Variants in PIK3C2G observed in about 807,000 individuals in gnomAD.
PIK3C2G encodes the protein phosphatidylinositol 3-kinase C2 domain-containing subunit gamma.
In PIK3C2G, 168 loss-of-function variants were observed where a neutral mutation model predicts 181.1. That is an observed-to-expected ratio of 0.93 (90% confidence interval 0.82 to 1.05). The LOEUF (loss-of-function observed/expected upper bound fraction) is 1.05, where lower values mean the gene tolerates loss of function less well. Ranked by LOEUF, PIK3C2G falls within the 50% of genes least tolerant of loss-of-function variation. PIK3C2G has a pLI of 0.00. For synonymous variants in PIK3C2G, 573 were observed against 592.2 expected, an observed-to-expected ratio of 0.97 and a Z score of 0.47; for missense variants, 1,869 against 1,732.8, an observed-to-expected ratio of 1.08 and a Z score of -1.40.
At chr12:18,291,132 G>A (rs952048113) in intron 4 of PIK3C2G, 120 bp downstream of exon 4, 1 of 582,744 alleles carries the variant, frequency 1.7e-6, no homozygotes, top group African/African-American at 1.9e-5. Flanking sequence ...TCTCTGAAGT[G>A]AAATAAGAAG....
the PIK3C2G span, among the ~76,000 whole-genome samples, chr12:18,715,441 G>C: frequency 6.6e-6 from 1 of 150,730 alleles, no homozygotes; most frequent in Non-Finnish European, 1.5e-5. Context: ...TCGCTCTGTC[G>C]CCCAGACTGG....
At chr12:18,711,441 G>A in the PIK3C2G span, among the ~76,000 whole-genome samples, 2 of 148,722 alleles carry the variant, frequency 1.3e-5, no homozygotes, top group African/African-American at 4.9e-5. Flanking sequence ...GCTAAATGAC[G>A]AGTTAGTGGG....
At chr12:18,543,034 G>A (rs1238694294) in intron 25 of PIK3C2G, among the ~76,000 whole-genome samples, 1 of 151,878 alleles carries the variant, frequency 6.6e-6, no homozygotes, top group Non-Finnish European at 1.5e-5. Context: ...CCGTTTCTCT[G>A]CAACCTTGCC....
At chr12:18,324,878 T>C (rs551172484) in intron 7 of PIK3C2G, among the ~76,000 whole-genome samples, 157 bp from the exon 8 acceptor site, 3 of 152,290 alleles carry the variant, frequency 2.0e-5, no homozygotes, top group African/African-American at 7.2e-5. Flanking sequence ...AAGGCACCCT[T>C]CTGAGATGTT....
chr12:18,566,337 G>T (rs1237066152), intron 28 of PIK3C2G, among the ~76,000 whole-genome samples: 1 of 152,160 alleles, frequency 6.6e-6, no homozygotes, highest in Admixed American at 6.5e-5. Flanking sequence ...AAGGGTATAC[G>T]TAGACAGCAA....
intron 31 of PIK3C2G, among the ~76,000 whole-genome samples, chr12:18,628,643 A>T (rs763980992): frequency 2.6e-5 from 4 of 152,252 alleles, no homozygotes; most frequent in Admixed American, 6.5e-5. Context: ...AACTAAGCTA[A>T]GAATCCCCTG....
At chr12:18,704,014 T>C in the PIK3C2G span, among the ~76,000 whole-genome samples, 3 of 152,092 alleles carry the variant, frequency 2.0e-5, no homozygotes, top group African/African-American at 7.2e-5. Context: ...TCTGATAAAA[T>C]TTGGGATAGG....
intron 31 of PIK3C2G, among the ~76,000 whole-genome samples, chr12:18,620,587 T>C (rs1209054148): frequency 1.3e-5 from 2 of 151,584 alleles, no homozygotes; most frequent in Non-Finnish European, 2.9e-5. Flanking sequence ...TACTGTAGGG[T>C]GCAGCTAGTA....
chr12:18,548,616 C>G (rs866964818), intron 26 of PIK3C2G, among the ~76,000 whole-genome samples: 1 of 152,020 alleles, frequency 6.6e-6, no homozygotes, highest in Non-Finnish European at 1.5e-5. Flanking sequence ...AAGCTAGAAC[C>G]TCATGGCAGT....
upstream of PIK3C2G, among the ~76,000 whole-genome samples, chr12:18,258,513 C>A (rs1357923692): frequency 6.6e-6 from 1 of 152,060 alleles, no homozygotes; most frequent in African/African-American, 2.4e-5. Context: ...AGATTTCACA[C>A]ATGAGTAAGA....
intron 8 of PIK3C2G, among the ~76,000 whole-genome samples, chr12:18,327,291 C>T (rs74070223): frequency 0.061 from 9,227 of 152,006 alleles, 953 homozygotes; most frequent in African/African-American, 0.21. Flanking sequence ...CACAATTTTG[C>T]GCTTTCTATT....
chr12:18,655,243 C>T, the PIK3C2G span, among the ~76,000 whole-genome samples: 1 of 152,126 alleles, frequency 6.6e-6, no homozygotes, highest in African/African-American at 2.4e-5. Flanking sequence ...AGGTAAAGAA[C>T]CTGCTTCCAG....
intron 23 of PIK3C2G, 89 bp downstream of exon 23, chr12:18,503,506 A>G (rs572603602): frequency 2.2e-6 from 2 of 920,160 alleles, no homozygotes; most frequent in Admixed American, 3.4e-5. Context: ...AGAAAAGTAA[A>G]TTAAGTGCAC....
intron 8 of PIK3C2G, 88 bp downstream of exon 8, chr12:18,325,186 T>C: frequency 2.9e-6 from 2 of 687,640 alleles, no homozygotes; most frequent in Non-Finnish European, 5.1e-6. Flanking sequence ...ATTTTGAAGA[T>C]GACAAAAATG....
At chr12:18,290,530 G>C (rs935531629) in intron 3 of PIK3C2G, among the ~76,000 whole-genome samples, 2 of 152,152 alleles carry the variant, frequency 1.3e-5, no homozygotes, top group African/African-American at 4.8e-5. Flanking sequence ...CAAAAGCAAT[G>C]TAAATGAAGC....
intron 1 of PIK3C2G, among the ~76,000 whole-genome samples, chr12:18,267,779 CCAA>C (rs1452442084): frequency 6.6e-6 from 1 of 152,120 alleles, no homozygotes. Context: ...GTAATTCTAG[CCAA>C]TATATAGTTC....
intron 29 of PIK3C2G, among the ~76,000 whole-genome samples, chr12:18,585,584 C>T (rs1946730175): frequency 1.3e-5 from 2 of 152,166 alleles, no homozygotes; most frequent in Admixed American, 1.3e-4. Context: ...ATTAGACTCC[C>T]ACACAATAAT....
chr12:18,279,667 A>G (rs11044003), intron 1 of PIK3C2G, among the ~76,000 whole-genome samples: 9,074 of 152,126 alleles, frequency 0.06, 403 homozygotes, highest in Non-Finnish European at 0.093. Flanking sequence ...CAGTTGAAGG[A>G]GTACAATTTG....
At chr12:18,303,159 C>CT (rs1565575774) in intron 5 of PIK3C2G, among the ~76,000 whole-genome samples, 173 of 93,974 alleles carry the variant, frequency 1.8e-3, no homozygotes, top group East Asian at 0.013. Flanking sequence ...TTTCTTCTTT[C>CT]TCTTTCTTTC....
Sources: allele counts gnomAD v4.1 joint callset (sites outside exome capture counted in the v4.1 genomes callset), GRCh38; gene constraint gnomAD v4.1.1; transcripts MANE v1.5; gene names NCBI Gene and HGNC (gene_info 2026-07-23, HGNC 2026-07-21).